SLC14A2: variants seen among roughly 807,000 people sequenced by gnomAD.
The protein encoded by SLC14A2 is urea transporter 2.
A neutral mutation model predicts 104.6 loss-of-function variants in SLC14A2; 91 were observed. That is an observed-to-expected ratio of 0.87 (90% CI 0.73 to 1.04). The LOEUF (loss-of-function observed/expected upper bound fraction) is 1.04, where lower values mean the gene tolerates loss of function less well. SLC14A2 is among the 50% of genes least tolerant of loss of function. SLC14A2 has a pLI of 0.00. For synonymous variants in SLC14A2, 476 were observed against 466.4 expected (o/e 1.02, Z -0.27); for missense variants, 1,189 against 1,156.0 (o/e 1.03, Z -0.41).
chr18:45,380,246 A>T (rs2085819714), intron 1 of SLC14A2, among the ~76,000 whole-genome samples: 1 of 152,204 alleles, frequency 6.6e-6, no homozygotes, highest in Non-Finnish European at 1.5e-5. Flanking sequence ...GACCATGAAA[A>T]CACAGTTAAC....
intron 1 of SLC14A2, among the ~76,000 whole-genome samples, chr18:45,395,958 G>T (rs537609302): frequency 6.6e-6 from 1 of 152,222 alleles, no homozygotes; most frequent in Admixed American, 6.5e-5. Context: ...TCAAATCAAT[G>T]CAATGGTCTT....
At chr18:45,498,153 T>C (rs2043132558) in intron 2 of SLC14A2, among the ~76,000 whole-genome samples, 1 of 152,206 alleles carries the variant, frequency 6.6e-6, no homozygotes, top group South Asian at 2.1e-4. Flanking sequence ...ATATAATCTA[T>C]TTCATAACTA....
rs2043104629 is a variant in SLC14A2 at position 45,496,705 on chromosome 18, C to T, written c.-35+13383C>T. ...GGCTGAGGCAGGAGAACTGCTTGAA[C>T]CCAGGAGGTAGAGGTTGCAGTGAGC... On this transcript the variant is annotated intron_variant, in intron 2 of 20. Coordinates refer to the SLC14A2 transcript ENST00000586448. Among the ~76,000 whole-genome samples, 3 of 152,190 alleles carry T rather than the reference C, an allele frequency of 2.0e-5. No individual in the cohort carries two copies. The South Asian group carries it at 6.2e-4, about 32-fold the overall frequency.
intron 2 of SLC14A2, among the ~76,000 whole-genome samples, chr18:45,524,098 A>G (rs1345254797): frequency 6.6e-6 from 1 of 152,180 alleles, no homozygotes; most frequent in Non-Finnish European, 1.5e-5. Context: ...GATTGGCAGT[A>G]ACAAGTATAA....
intron 2 of SLC14A2, among the ~76,000 whole-genome samples, chr18:45,557,328 C>T (rs2044146395): frequency 6.6e-6 from 1 of 152,208 alleles, no homozygotes; most frequent in African/African-American, 2.4e-5. Context: ...CCATGCTGAG[C>T]TTGATGTCCT....
At chr18:45,495,240 C>A (rs2543035) in intron 2 of SLC14A2, among the ~76,000 whole-genome samples, 150,102 of 152,334 alleles carry the variant, frequency 0.99, 73,993 homozygotes, top group Middle Eastern at 1. Context: ...TAATAACAAC[C>A]ACAAAAAACT....
intron 1 of SLC14A2, among the ~76,000 whole-genome samples, chr18:45,228,548 A>G (rs1242789319): frequency 6.6e-6 from 1 of 152,162 alleles, no homozygotes; most frequent in African/African-American, 2.4e-5. Context: ...CTCGGGACAC[A>G]GGTCCTCAGT....
chr18:45,324,393 A>G (rs941465854), intron 1 of SLC14A2, among the ~76,000 whole-genome samples: 2 of 152,130 alleles, frequency 1.3e-5, no homozygotes, highest in Middle Eastern at 3.2e-3. Flanking sequence ...CAAGATTCAC[A>G]TCTCTAAGTC....
chr18:45,189,983 C>G, the SLC14A2 span, among the ~76,000 whole-genome samples: 1 of 152,202 alleles, frequency 6.6e-6, no homozygotes, highest in South Asian at 2.1e-4. Flanking sequence ...AGCACAAAAG[C>G]TGAGATGATG....
At chr18:45,608,110 AT>A (rs2044900557) in intron 2 of SLC14A2, among the ~76,000 whole-genome samples, 1 of 152,202 alleles carries the variant, frequency 6.6e-6, no homozygotes, top group African/African-American at 2.4e-5. Context: ...TCACTGTTGA[AT>A]CCCCTGTGAC....
At chr18:45,195,602 G>T in the SLC14A2 span, among the ~76,000 whole-genome samples, 7 of 152,126 alleles carry the variant, frequency 4.6e-5, no homozygotes, top group Non-Finnish European at 2.9e-5. Context: ...ATGTTGGCCA[G>T]GCTGGTCTTG....
At chr18:45,662,750 G>A (rs749027259) in intron 10 of SLC14A2, among the ~76,000 whole-genome samples, 4 of 152,102 alleles carry the variant, frequency 2.6e-5, no homozygotes, top group African/African-American at 4.8e-5. Context: ...AGATGTAATA[G>A]TGTGAATGTT....
At chr18:45,347,607 G>T (rs80344855) in intron 1 of SLC14A2, among the ~76,000 whole-genome samples, 2,046 of 152,162 alleles carry the variant, frequency 0.013, 36 homozygotes, top group African/African-American at 0.041. Flanking sequence ...ATCTCTCCTG[G>T]TGCTAATACC....
intron 1 of SLC14A2, among the ~76,000 whole-genome samples, chr18:45,377,056 C>T (rs1007900134): frequency 6.6e-6 from 1 of 152,166 alleles, no homozygotes; most frequent in African/African-American, 2.4e-5. Context: ...CAACCCATTG[C>T]CATCTGACTG....
In SLC14A2 at chr18:45,620,070, C is replaced by T. The variant is rs115185152; in HGVS notation, c.-35+4488C>T. 1.9e-3 allele frequency among the ~76,000 whole-genome samples: 293 copies of T among 152,334 alleles called. 4 individuals carry two copies. Among genetic ancestry groups the T allele is most frequent in the African/African-American group, 6.8e-3 (283 of 41,580 alleles). ...GGGCCATTGGTGCTGCATGTCTCGC[C>T]CCCTACCCCAAAGCCAAAATTCCCC... On this transcript the variant is annotated intron_variant, in intron 1 of 19. Transcript: ENST00000255226.
chr18:45,318,848 C>T (rs975475910), intron 1 of SLC14A2, among the ~76,000 whole-genome samples: 1 of 151,982 alleles, frequency 6.6e-6, no homozygotes, highest in Non-Finnish European at 1.5e-5. Flanking sequence ...CCCCGGTCAG[C>T]ATGCTTGCTT....
chr18:45,451,386 C>G (rs752499462), intron 1 of SLC14A2, among the ~76,000 whole-genome samples: 4 of 151,996 alleles, frequency 2.6e-5, no homozygotes, highest in Non-Finnish European at 2.9e-5. Flanking sequence ...CAATTAAATG[C>G]TAAGTGCCAT....
At chr18:45,627,202 G>C in intron 4 of SLC14A2, 55 bp downstream of exon 4, 2 of 1,507,462 alleles carry the variant, frequency 1.3e-6, no homozygotes, top group Non-Finnish European at 1.8e-6. Flanking sequence ...AAAGTAGAGA[G>C]GTGTTTACTT....
chr18:45,245,892 AT>A (rs1466946539), intron 1 of SLC14A2, among the ~76,000 whole-genome samples: 1 of 152,142 alleles, frequency 6.6e-6, no homozygotes, highest in Non-Finnish European at 1.5e-5. Context: ...TTCTTGGTAT[AT>A]TTTCTTCAAG....
Sources: gnomAD v4.1 joint callset for allele counts (sites outside exome capture counted in the v4.1 genomes callset) on GRCh38, gnomAD v4.1.1 for gene constraint, MANE v1.5 for transcripts, NCBI Gene and HGNC (gene_info 2026-07-23, HGNC 2026-07-21) for gene names.